AGBL1: variants seen among roughly 807,000 people sequenced by gnomAD.
AGBL1 encodes the protein AGBL carboxypeptidase 1.
AGBL1 carries 130 observed loss-of-function variants against 118.9 expected under a neutral mutation model. That is an observed-to-expected ratio of 1.09 (90% CI 0.95 to 1.26). AGBL1 has a LOEUF of 1.26. Among genes scored for constraint, AGBL1 ranks in the 50% most tolerant of loss-of-function variants. The pLI is 0.00. For synonymous variants in AGBL1, 555 were observed against 478.9 expected (o/e 1.16, Z -2.08); for missense variants, 1,584 against 1,298.1 (o/e 1.22, Z -3.38).
chr15:86,168,062 G>GTCC (rs1262698303), intron 5 of AGBL1, among the ~76,000 whole-genome samples: 1 of 152,172 alleles, frequency 6.6e-6, no homozygotes, highest in African/African-American at 2.4e-5. Flanking sequence ...TGCCTGAGTT[G>GTCC]TCCTCTTTTA....
chr15:86,335,494 G>A (rs1320530471), intron 17 of AGBL1, among the ~76,000 whole-genome samples: 1 of 152,124 alleles, frequency 6.6e-6, no homozygotes, highest in African/African-American at 2.4e-5. Context: ...GAAGAAGAGG[G>A]CACTGTCTTA....
chr15:86,602,068 CTT>C (rs1491400219), intron 21 of AGBL1, among the ~76,000 whole-genome samples: 5 of 151,954 alleles, frequency 3.3e-5, no homozygotes, highest in Non-Finnish European at 7.4e-5. Flanking sequence ...CTCTTTCTTT[CTT>C]TTCTTTTTCC....
intron 17 of AGBL1, among the ~76,000 whole-genome samples, chr15:86,301,844 G>T (rs1012630559): frequency 6.6e-6 from 1 of 152,066 alleles, no homozygotes; most frequent in African/African-American, 2.4e-5. Context: ...CCACGTGCCT[G>T]GTGGTCTTGT....
At chr15:86,254,944 T>C (rs1827585784) in intron 7 of AGBL1, among the ~76,000 whole-genome samples, 1 of 152,230 alleles carries the variant, frequency 6.6e-6, no homozygotes, top group Admixed American at 6.5e-5. Flanking sequence ...TTGGGTTTTA[T>C]AGATTTTAAT....
intron 17 of AGBL1, among the ~76,000 whole-genome samples, chr15:86,376,779 A>G (rs1419980717): frequency 6.6e-6 from 1 of 152,232 alleles, no homozygotes; most frequent in Non-Finnish European, 1.5e-5. Flanking sequence ...CCTGGTGCCA[A>G]AGCACCCAAA....
At chr15:86,755,891 T>C (rs1051676702) in intron 22 of AGBL1, among the ~76,000 whole-genome samples, 3 of 152,064 alleles carry the variant, frequency 2.0e-5, no homozygotes, top group Non-Finnish European at 4.4e-5. Flanking sequence ...GGGCAATCAG[T>C]CAGATTGTGC....
At chr15:86,720,356 A>G (rs889789293) in intron 22 of AGBL1, among the ~76,000 whole-genome samples, 2 of 152,202 alleles carry the variant, frequency 1.3e-5, no homozygotes, top group African/African-American at 4.8e-5. Context: ...AGTTATGTTT[A>G]CTTTCTGTCA....
chr15:86,753,415 T>TTTTTTTTTTTTTC (rs35941815), intron 22 of AGBL1, among the ~76,000 whole-genome samples: 1 of 139,748 alleles, frequency 7.2e-6, no homozygotes, highest in Non-Finnish European at 1.5e-5. Context: ...TTTTTTTTTT[T>TTTTTTTTTTTTTC]GAGACAGAGT....
rs577838542 is a variant in AGBL1 at position 86,206,531 on chromosome 15, T to C, written c.489-18383T>C. On this transcript the variant is annotated intron_variant, in intron 5 of 22. Transcript: ENST00000614907. ...CTAACTGGTGTGAGATGGTATCTCA[T>C]TGTAGTTTTGATTTGCATTTCTCTG... 7.9e-5 allele frequency among the ~76,000 whole-genome samples: 12 copies of C among 152,336 alleles called. No individual in the cohort carries two copies. In the South Asian group the frequency reaches 2.3e-3, roughly 29 times the overall value.
At chr15:86,233,322 T>C (rs889379332) in intron 6 of AGBL1, among the ~76,000 whole-genome samples, 1 of 152,222 alleles carries the variant, frequency 6.6e-6, no homozygotes, top group Admixed American at 6.5e-5. Flanking sequence ...AGTTTGGTTT[T>C]TCAAACATGG....
At chr15:86,801,342 TATCTATC>T in intron 22 of AGBL1, among the ~76,000 whole-genome samples, 1 of 151,948 alleles carries the variant, frequency 6.6e-6, no homozygotes, top group South Asian at 2.1e-4. Flanking sequence ...TCTATCTATC[TATCTATC>T]TATCTATATT....
At chr15:86,112,567 C>T (rs541378715) in intron 1 of AGBL1, among the ~76,000 whole-genome samples, 16 of 152,286 alleles carry the variant, frequency 1.1e-4, no homozygotes, top group African/African-American at 3.1e-4. Flanking sequence ...TGAGGATCTT[C>T]GCAAATAAGA....
intron 23 of AGBL1, among the ~76,000 whole-genome samples, chr15:86,970,877 C>A (rs2081101556): frequency 6.6e-6 from 1 of 151,888 alleles, no homozygotes; most frequent in Non-Finnish European, 1.5e-5. Context: ...TTGGAAAAAA[C>A]ATAATAAAAC....
chr15:86,603,813 G>T (rs1434665368), intron 21 of AGBL1, among the ~76,000 whole-genome samples: 3 of 152,182 alleles, frequency 2.0e-5, no homozygotes, highest in Admixed American at 1.3e-4. Context: ...GACATTTGCA[G>T]CAGTCTGTTT....
intron 19 of AGBL1, among the ~76,000 whole-genome samples, chr15:86,537,864 T>G (rs964491472): frequency 6.6e-6 from 1 of 152,190 alleles, no homozygotes; most frequent in African/African-American, 2.4e-5. Flanking sequence ...CTCAGCATGG[T>G]GACCGACACA....
At chr15:86,828,448 A>T (rs2079061747) in intron 22 of AGBL1, among the ~76,000 whole-genome samples, 1 of 152,148 alleles carries the variant, frequency 6.6e-6, no homozygotes. Context: ...ATGTAATCAT[A>T]CATGTCCTTA....
intron 22 of AGBL1, among the ~76,000 whole-genome samples, chr15:86,812,465 T>A (rs948556363): frequency 6.6e-6 from 1 of 152,298 alleles, no homozygotes; most frequent in East Asian, 1.9e-4. Context: ...TAAATTAAAA[T>A]GAAACAAAAC....
At chr15:86,713,710 A>G (rs2086595850) in intron 22 of AGBL1, among the ~76,000 whole-genome samples, 1 of 152,134 alleles carries the variant, frequency 6.6e-6, no homozygotes, top group African/African-American at 2.4e-5. Context: ...CTGCTCCTCC[A>G]GGGTACATAA....
At chr15:86,561,170 G>A (rs929054866) in intron 21 of AGBL1, among the ~76,000 whole-genome samples, 6 of 152,164 alleles carry the variant, frequency 3.9e-5, no homozygotes, top group Non-Finnish European at 8.8e-5. Flanking sequence ...TTTGGCTTTT[G>A]TTGCCATTGC....
Sources: allele counts gnomAD v4.1 joint callset (sites outside exome capture counted in the v4.1 genomes callset), GRCh38; gene constraint gnomAD v4.1.1; transcripts MANE v1.5; gene names NCBI Gene and HGNC (gene_info 2026-07-23, HGNC 2026-07-21).